Variants in RNF170 observed in about 807,000 individuals in gnomAD.
The protein encoded by RNF170 is ring finger protein 170.
A neutral mutation model predicts 32.7 loss-of-function variants in RNF170; 12 were observed. The observed-to-expected ratio is 0.37, with a 90% CI of 0.24 to 0.60. The LOEUF is 0.60. Ranked by LOEUF, RNF170 falls within the 20% of genes least tolerant of loss-of-function variation. The probability of loss-of-function intolerance (pLI) is 0.72; values close to 1 mark genes in which losing one functional copy is unlikely to be tolerated. For synonymous variants in RNF170, 91 were observed against 103.6 expected (o/e 0.88, Z 0.74); for missense variants, 212 against 311.2 (o/e 0.68, Z 2.40).
chr8:42,884,304 G>A (rs968966216), intron 2 of RNF170, among the ~76,000 whole-genome samples: 1 of 151,842 alleles, frequency 6.6e-6, no homozygotes, highest in African/African-American at 2.4e-5. Flanking sequence ...GGCTGGTCTC[G>A]AACTCCTGAC....
At chr8:42,874,475 T>G (rs1804761743) in intron 2 of RNF170, among the ~76,000 whole-genome samples, 1 of 152,230 alleles carries the variant, frequency 6.6e-6, no homozygotes, top group Non-Finnish European at 1.5e-5. Flanking sequence ...GTGTGGTGGC[T>G]CATGCCTGTA....
At chr8:42,891,817 G>C (rs1039943921) in intron 1 of RNF170, among the ~76,000 whole-genome samples, 6 of 152,142 alleles carry the variant, frequency 3.9e-5, no homozygotes, top group African/African-American at 1.4e-4. Flanking sequence ...TTTCGGAATA[G>C]AGAAAAAGCC....
At chr8:42,897,296 A>G (rs1477375920), upstream of RNF170, 2 of 690,018 alleles carry the variant, frequency 2.9e-6, no homozygotes, top group African/African-American at 1.9e-5. Context: ...GTGCCGTCAC[A>G]TCCGGGGCCT....
chr8:42,894,722 G>A (rs1451394928), intron 1 of RNF170, among the ~76,000 whole-genome samples: 2 of 152,022 alleles, frequency 1.3e-5, no homozygotes, highest in African/African-American at 2.4e-5. Flanking sequence ...CCGCCACCAC[G>A]CCCGGCTAAT....
At chr8:42,867,059 C>A (rs974600391) in intron 4 of RNF170, among the ~76,000 whole-genome samples, 2 of 152,178 alleles carry the variant, frequency 1.3e-5, no homozygotes, top group African/African-American at 4.8e-5. Context: ...CCTTATTCCT[C>A]CAGATCAAAT....
intron 1 of RNF170, among the ~76,000 whole-genome samples, chr8:42,894,298 G>A (rs150413014): frequency 1.3e-5 from 2 of 152,214 alleles, no homozygotes; most frequent in Non-Finnish European, 2.9e-5. Flanking sequence ...GGCCACTGGA[G>A]GAAGGGTGCT....
chr8:42,886,840 T>C (rs544509455), intron 2 of RNF170, among the ~76,000 whole-genome samples: 1 of 152,280 alleles, frequency 6.6e-6, no homozygotes, highest in East Asian at 1.9e-4. Flanking sequence ...TGGGGCAATG[T>C]AGCGAGACCC....
chr8:42,882,883 G>A (rs529924596), intron 2 of RNF170, among the ~76,000 whole-genome samples: 9 of 152,208 alleles, frequency 5.9e-5, no homozygotes, highest in South Asian at 2.1e-4. Flanking sequence ...GCAACATGGC[G>A]AAACCTTGTC....
At position 42,856,739 on chromosome 8, in the gene RNF170, G is replaced by A. The variant is rs114123652; in HGVS notation, c.508-311C>T. Among the ~76,000 whole-genome samples, 783 of 152,200 alleles carry A rather than the reference G, an allele frequency of 5.1e-3. 13 individuals carry two copies. The highest frequency in any genetic ancestry group is 0.018 in the African/African-American group (745 of 41,538). On this transcript the variant is annotated intron_variant, in intron 6 of 6. Transcript: ENST00000527424. ...TAAAATAAACCAAAGAACCTAGCGCGCAGGATTAGAGTCTGAGACTTGAGC... is the reference window on the plus strand; with the variant it reads ...TAAAATAAACCAAAGAACCTAGCGCACAGGATTAGAGTCTGAGACTTGAGC...
intron 1 of RNF170, among the ~76,000 whole-genome samples, chr8:42,891,075 G>A (rs1806262477): frequency 6.6e-6 from 1 of 152,180 alleles, no homozygotes; most frequent in Admixed American, 6.5e-5. Context: ...TGATTATCCA[G>A]AACTAAACAG....
chr8:42,850,601 C>T, downstream of RNF170: 2 of 692,580 alleles, frequency 2.9e-6, no homozygotes, highest in East Asian at 5.5e-5. Flanking sequence ...CTAACATTGT[C>T]TCTGTTTTCA....
rs1352044362 is a variant in RNF170 at position 42,853,413 on chromosome 8, C to G, written c.*2746G>C. ...TACAACAACTCTGTGAGGTAGGTATCTGCATAGCCACAAGGGATCCACATA... is the reference window on the plus strand; with the variant it reads ...TACAACAACTCTGTGAGGTAGGTATGTGCATAGCCACAAGGGATCCACATA... On this transcript the variant is annotated 3_prime_UTR_variant, in exon 7 of 7. Transcript: ENST00000527424. The G allele has an allele frequency of 7.8e-7, 1 of 1,287,058 alleles. No homozygotes were observed. Among genetic ancestry groups the G allele is most frequent in the Admixed American group, 2.3e-5 (1 of 43,544 alleles). The allele number at this position is 1,287,058 out of a possible 1,614,324, so 79.7% of individuals were successfully genotyped here. A position where few individuals can be genotyped will look rare whatever the true frequency, so the allele number is the denominator to read the frequency against.
Position 42,855,701 on chromosome 8 carries a change from T to C in RNF170, c.*458A>G, listed in dbSNP as rs1461851233. On this transcript the variant is annotated 3_prime_UTR_variant, in exon 7 of 7. Transcript: ENST00000527424. ...TAGCACTAAAAGAAATACTGAATTTTCCCCAATAGTATATAATATTTTATT... is the reference window on the plus strand; with the variant it reads ...TAGCACTAAAAGAAATACTGAATTTCCCCCAATAGTATATAATATTTTATT... 3 of 1,275,986 alleles carry C rather than the reference T, an allele frequency of 2.4e-6. No homozygotes were observed. In the African/African-American group the frequency reaches 4.6e-5, roughly 20 times the overall value. 79.0% of individuals were successfully genotyped at this position (1,275,986 alleles called of 1,614,324 possible).
intron 3 of RNF170, among the ~76,000 whole-genome samples, chr8:42,873,545 G>C (rs1169285283): frequency 6.6e-6 from 1 of 151,184 alleles, no homozygotes; most frequent in Non-Finnish European, 1.5e-5. Flanking sequence ...GAAGAAAAAA[G>C]GAGAAAAAAA....
At chr8:42,890,423 G>A (rs931152283) in intron 1 of RNF170, among the ~76,000 whole-genome samples, 33 of 151,522 alleles carry the variant, frequency 2.2e-4, no homozygotes, top group Non-Finnish European at 3.7e-4. Flanking sequence ...GACTACAGGC[G>A]CCCCCCACCA....
At position 42,855,632 on chromosome 8, in the gene RNF170, C is replaced by G. The variant is rs924053047; in HGVS notation, c.*527G>C. 1.2e-5 allele frequency: 15 copies of G among 1,283,610 alleles called. No individual in the cohort carries two copies. Among genetic ancestry groups the G allele is most frequent in the Non-Finnish European group, 1.3e-5 (13 of 985,538 alleles). The allele number at this position is 1,283,610 out of a possible 1,614,324, so 79.5% of individuals were successfully genotyped here. A position where few individuals can be genotyped will look rare whatever the true frequency, so the allele number is the denominator to read the frequency against. ...AGCTGATAGCAAATAATTAATTATA[C>G]CAGAATGAAAAGGCAGAACTGCTCC... is the stretch of plus-strand genomic sequence containing the variant. On this transcript the variant is annotated 3_prime_UTR_variant, in exon 7 of 7. Coordinates refer to ENST00000527424, the MANE Select transcript of RNF170 (RefSeq NM_030954.4).
At position 42,863,980 on chromosome 8, in the gene RNF170, AGTGTGTGTGTGTGT is replaced by A. The variant is rs71231874; in HGVS notation, c.396+1422_396+1435del. Among the ~76,000 whole-genome samples, 631 of 139,584 alleles carry A rather than the reference AGTGTGTGTGTGTGT, an allele frequency of 4.5e-3. 3 individuals carry two copies. Among genetic ancestry groups the A allele is most frequent in the South Asian group, 6.6e-3 (28 of 4,258 alleles). 91.6% of individuals were successfully genotyped at this position (139,584 alleles called of 152,430 possible). Reference sequence around the variant, plus strand: ...AAGGCTGAAGGAGAGAGAGAGAGAGAGTGTGTGTGTGTGTGTGTGTGTGTGTGTGTGTGAACATT... The same window carrying A: ...AAGGCTGAAGGAGAGAGAGAGAGAGAGTGTGTGTGTGTGTGTGTGAACATT... On this transcript the variant is annotated intron_variant, in intron 5 of 6. Transcript: ENST00000527424.
intron 2 of RNF170, among the ~76,000 whole-genome samples, chr8:42,875,813 G>C (rs1307471601): frequency 6.6e-6 from 1 of 152,234 alleles, no homozygotes; most frequent in Non-Finnish European, 1.5e-5. Context: ...GACCTCAGGT[G>C]ATCTGCCTGC....
chr8:42,872,242 C>G (rs1804575555), intron 3 of RNF170, among the ~76,000 whole-genome samples: 2 of 152,186 alleles, frequency 1.3e-5, no homozygotes, highest in African/African-American at 4.8e-5. Context: ...TAGCTGAACC[C>G]AGTCATGAAA....
Sources: allele counts gnomAD v4.1 joint callset (sites outside exome capture counted in the v4.1 genomes callset), GRCh38; gene constraint gnomAD v4.1.1; transcripts MANE v1.5; gene names NCBI Gene and HGNC (gene_info 2026-07-23, HGNC 2026-07-21).